Variants in CALCR observed in about 807,000 individuals in gnomAD.
The protein encoded by CALCR is calcitonin receptor.
In CALCR, 47 loss-of-function variants were observed where a neutral mutation model predicts 59.5. The observed-to-expected ratio is 0.79, with a 90% CI of 0.63 to 1.01. The LOEUF (loss-of-function observed/expected upper bound fraction) is 1.01, where lower values mean the gene tolerates loss of function less well. CALCR is among the 50% of genes least tolerant of loss of function. The pLI, the probability that CALCR is intolerant of heterozygous loss-of-function variation, is 0.00. For missense variants in CALCR, 566 were observed against 597.1 expected (o/e 0.95, Z 0.54); for synonymous variants, 213 against 211.3 (o/e 1.01, Z -0.07).
At chr7:93,525,656 A>G (rs1801861409) in intron 2 of CALCR, among the ~76,000 whole-genome samples, 1 of 152,220 alleles carries the variant, frequency 6.6e-6, no homozygotes. Flanking sequence ...GATTTAAGTC[A>G]GTCAATTTGT....
At chr7:93,475,970 C>G (rs941406884) in intron 5 of CALCR, among the ~76,000 whole-genome samples, 3 of 151,820 alleles carry the variant, frequency 2.0e-5, no homozygotes, top group Admixed American at 1.3e-4. Flanking sequence ...GTGCTTCTCT[C>G]ACTCCAGATT....
chr7:93,529,913 T>C (rs922666865), intron 2 of CALCR, among the ~76,000 whole-genome samples: 4 of 152,198 alleles, frequency 2.6e-5, no homozygotes, highest in Admixed American at 2.6e-4. Flanking sequence ...CTCCCTGTAA[T>C]AGCAAAAGCC....
chr7:93,436,067 G>T lies in CALCR; in HGVS notation c.1034C>A (p.Thr345Asn). Residue 345 changes from threonine to asparagine, a missense_variant, in exon 12 of 14, where the codon ACC (threonine) becomes AAC (asparagine). Physicochemically the swap from Thr to Asn is moderately conservative, Grantham distance 65. Transcript: ENST00000426151. Reference protein sequence around the residue: ...SHMYLKAVKATMILVPLLGIQ... With the variant: ...SHMYLKAVKANMILVPLLGIQ... ...TCCCAGCAGGGGCACAAGGATCATG[G>T]TGGCCTTCACAGCCTTCAGGTACAT... The T allele has an allele frequency of 6.2e-7, 1 of 1,614,006 alleles. No individual in the cohort carries two copies.
At chr7:93,442,957 G>T (rs1275303803) in intron 9 of CALCR, among the ~76,000 whole-genome samples, 1 of 152,158 alleles carries the variant, frequency 6.6e-6, no homozygotes, top group Non-Finnish European at 1.5e-5. Flanking sequence ...CTGGGGGAAA[G>T]GGAGCAATTC....
chr7:93,530,388 A>G (rs1788801177), intron 2 of CALCR, among the ~76,000 whole-genome samples: 2 of 152,158 alleles, frequency 1.3e-5, no homozygotes, highest in Admixed American at 6.6e-5. Context: ...GCTACAAGCT[A>G]TATTGATTAT....
At chr7:93,439,145 C>T (rs1479140795) in intron 9 of CALCR, among the ~76,000 whole-genome samples, 1 of 152,074 alleles carries the variant, frequency 6.6e-6, no homozygotes, top group Non-Finnish European at 1.5e-5. Context: ...AGAAATGTGT[C>T]TTAGGAAAGA....
At chr7:93,460,599 A>ATATATATATATATATATATATGTG (rs1562982597) in intron 8 of CALCR, among the ~76,000 whole-genome samples, 1 of 136,112 alleles carries the variant, frequency 7.3e-6, no homozygotes, top group African/African-American at 2.9e-5. Flanking sequence ...ATATGTATAT[A>ATATATATATATATATATATATGTG]TATATATATA....
intron 2 of CALCR, among the ~76,000 whole-genome samples, chr7:93,539,949 T>C (rs1584616754): frequency 6.6e-6 from 1 of 152,242 alleles, no homozygotes; most frequent in South Asian, 2.1e-4. Context: ...CAGAGGAGCA[T>C]ACAGCAGCAG....
At position 93,483,600 on chromosome 7, in the gene CALCR, A is replaced by C. The variant is rs797003883; in HGVS notation, c.51+3331T>G. 1.7e-4 allele frequency among the ~76,000 whole-genome samples: 26 copies of C among 151,532 alleles called. 1 individual carries two copies. The highest frequency in any genetic ancestry group is 6.0e-4 in the African/African-American group (25 of 41,450). ...ATTTCATAAAGTTTATTAAATGTTA[A>C]ACTTTTGCTGATAATTTTATACAAA... On this transcript the variant is annotated intron_variant, in intron 3 of 13. Transcript: ENST00000426151.
At chr7:93,464,246 T>A (rs1271084124) in intron 7 of CALCR, among the ~76,000 whole-genome samples, 1 of 152,006 alleles carries the variant, frequency 6.6e-6, no homozygotes, top group African/African-American at 2.4e-5. Flanking sequence ...CAGTTTGCTA[T>A]CACAGGGTGA....
chr7:93,552,674 A>G (rs1179722599), intron 2 of CALCR, among the ~76,000 whole-genome samples: 2 of 152,196 alleles, frequency 1.3e-5, no homozygotes, highest in Non-Finnish European at 1.5e-5. Flanking sequence ...TCTAGAGGTT[A>G]GAACTAGAAG....
intron 13 of CALCR, among the ~76,000 whole-genome samples, chr7:93,428,270 G>C (rs558677806): frequency 6.6e-6 from 1 of 152,286 alleles, no homozygotes; most frequent in East Asian, 1.9e-4. Flanking sequence ...CTATGGGAAG[G>C]GCACTACTAT....
At chr7:93,462,703 T>C (rs1800361000) in intron 7 of CALCR, among the ~76,000 whole-genome samples, 1 of 152,090 alleles carries the variant, frequency 6.6e-6, no homozygotes, top group Non-Finnish European at 1.5e-5. Flanking sequence ...CTGGTTTTCT[T>C]TTGATTGGGG....
At position 93,475,175 on chromosome 7, in the gene CALCR, G is replaced by C. The variant is rs964501363; in HGVS notation, c.316+2383C>G. ...AACTAAATGCAAGATTTAAACTGCA[G>C]GTTATAGAGTTATTTGTATGTTTAA... On this transcript the variant is annotated intron_variant, in intron 5 of 13. Coordinates refer to ENST00000426151, the MANE Select transcript of CALCR (RefSeq NM_001742.4). 4.0e-5 allele frequency among the ~76,000 whole-genome samples: 6 copies of C among 151,660 alleles called. 1 individual carries two copies. The East Asian group carries it at 1.2e-3, about 30-fold the overall frequency.
chr7:93,458,728 C>T (rs545711711), intron 8 of CALCR, among the ~76,000 whole-genome samples: 74 of 152,068 alleles, frequency 4.9e-4, no homozygotes, highest in Non-Finnish European at 8.8e-4. Flanking sequence ...TCTCTGTCTT[C>T]GGGTTCATAT....
intron 13 of CALCR, among the ~76,000 whole-genome samples, chr7:93,426,866 A>G (rs764907132): frequency 2.0e-5 from 3 of 152,196 alleles, no homozygotes; most frequent in Non-Finnish European, 4.4e-5. Context: ...CCAATGAATA[A>G]AAGTTGATTT....
chr7:93,457,952 C>T (rs979653340), intron 8 of CALCR, among the ~76,000 whole-genome samples: 2 of 152,094 alleles, frequency 1.3e-5, no homozygotes, highest in Non-Finnish European at 2.9e-5. Flanking sequence ...ACTCATGCTA[C>T]GGAGGACACT....
intron 2 of CALCR, among the ~76,000 whole-genome samples, chr7:93,493,262 C>T (rs1033902992): frequency 1.2e-4 from 18 of 151,298 alleles, no homozygotes; most frequent in African/African-American, 4.1e-4. Flanking sequence ...TTTTTTACAA[C>T]TATATCCTCA....
chr7:93,559,972 A>T (rs1789707422), intron 2 of CALCR, among the ~76,000 whole-genome samples: 1 of 152,132 alleles, frequency 6.6e-6, no homozygotes, highest in South Asian at 2.1e-4. Context: ...TTCTCACAAC[A>T]CAGTGTATAT....
Sources: allele counts gnomAD v4.1 joint callset (sites outside exome capture counted in the v4.1 genomes callset), GRCh38; gene constraint gnomAD v4.1.1; transcripts MANE v1.5; gene names NCBI Gene and HGNC (gene_info 2026-07-23, HGNC 2026-07-21).